Variants in TANC1 observed in about 807,000 individuals in gnomAD.
TANC1 encodes the protein tetratricopeptide repeat, ankyrin repeat and coiled-coil containing 1, also known as protein TANC1.
A neutral mutation model predicts 149.7 loss-of-function variants in TANC1; 77 were observed. That is an observed-to-expected ratio of 0.51 (90% CI 0.43 to 0.62). The LOEUF is 0.62. Ranked by LOEUF, TANC1 falls within the 20% of genes least tolerant of loss-of-function variation. The pLI is 0.00. For missense variants in TANC1, 1,985 were observed against 2,321.8 expected, an observed-to-expected ratio of 0.85 and a Z score of 2.98; for synonymous variants, 854 against 925.0, an observed-to-expected ratio of 0.92 and a Z score of 1.39.
chr2:159,169,456 G>A, intron 9 of TANC1, 84 bp downstream of exon 9: 2 of 1,403,842 alleles, frequency 1.4e-6, no homozygotes, highest in African/African-American at 1.4e-5. Flanking sequence ...CAGCATTGAA[G>A]CCAACTGTGT....
intron 2 of TANC1, chr2:159,056,623 G>T: frequency 6.2e-6 from 1 of 160,682 alleles, no homozygotes; most frequent in Non-Finnish European, 1.4e-5. Flanking sequence ...CCAGGTTTCA[G>T]TTTTTCATGG....
intron 3 of TANC1, among the ~76,000 whole-genome samples, chr2:159,088,808 C>T (rs1237952333): frequency 6.6e-6 from 1 of 152,170 alleles, no homozygotes; most frequent in South Asian, 2.1e-4. Flanking sequence ...TATGGATTGT[C>T]ATCAGGAAAG....
chr2:159,228,785 G>T lies in TANC1; in HGVS notation c.4051-11G>T, dbSNP rs568736471. The T allele has an allele frequency of 1.9e-6, 3 of 1,607,480 alleles. No homozygotes were observed. Among genetic ancestry groups the T allele is most frequent in the Non-Finnish European group, 2.6e-6 (3 of 1,174,206 alleles). ...GCTGCTTCTGACTCCTGTATTTCTT[G>T]TCGACACCAGGACTTTGGCATGGCA... On this transcript the variant is annotated splice_polypyrimidine_tract_variant and intron_variant, in intron 25 of 26. Transcript: ENST00000263635.
chr2:158,985,059 C>T (rs1327230458), intron 1 of TANC1, among the ~76,000 whole-genome samples: 2 of 152,008 alleles, frequency 1.3e-5, no homozygotes, highest in African/African-American at 4.8e-5. Flanking sequence ...GAGAGACTGG[C>T]GTGGGGACAG....
chr2:159,032,443 A>C (rs2039858133), intron 2 of TANC1, among the ~76,000 whole-genome samples: 1 of 152,200 alleles, frequency 6.6e-6, no homozygotes, highest in South Asian at 2.1e-4. Context: ...CACTGTGAGC[A>C]AAGTAACCTT....
chr2:159,192,664 T>A (rs2057536222), intron 16 of TANC1, among the ~76,000 whole-genome samples: 2 of 152,316 alleles, frequency 1.3e-5, no homozygotes. Flanking sequence ...TTTGTTTTGC[T>A]TTTGAGACGG....
Position 159,134,907 on chromosome 2 carries a change from C to T in TANC1, c.260-1287C>T, listed in dbSNP as rs145449807. 2.0e-4 allele frequency among the ~76,000 whole-genome samples: 30 copies of T among 152,244 alleles called. No homozygotes were observed. The East Asian group carries it at 5.2e-3, about 26-fold the overall frequency. On this transcript the variant is annotated intron_variant, in intron 4 of 26. Transcript: ENST00000263635. The stretch of plus-strand genomic sequence containing the variant: ...TGCAAGAATTACAGGTGTGAGCCAC[C>T]GTGCCTAGCCTTTTAATTTTTTTTA...
rs760067178 is a variant in TANC1 at position 159,229,846 on chromosome 2, A to G, written c.4420A>G (p.Thr1474Ala). 9 of 1,613,922 alleles carry G rather than the reference A, an allele frequency of 5.6e-6. No homozygotes were observed. The highest frequency in any genetic ancestry group is 1.1e-5 in the South Asian group (1 of 91,068). Reference sequence around the variant, plus strand: ...TCCCCAGGAAGAATCTGTTTCCCCAACTCCCAGGTCCCAGCCATCCTCATC... The same window carrying G: ...TCCCCAGGAAGAATCTGTTTCCCCAGCTCCCAGGTCCCAGCCATCCTCATC... ...TSPQEESVSP[T>A]PRSQPSSSVP... is the part of the protein sequence containing the mutation. The change falls in exon 27 of 27, where the codon ACT becomes GCT. Residue 1474 changes from threonine (T) to alanine (A), a missense_variant. Transcript: ENST00000263635.
intron 19 of TANC1, among the ~76,000 whole-genome samples, chr2:159,204,078 T>TA (rs1183347975): frequency 2.6e-5 from 4 of 152,236 alleles, no homozygotes; most frequent in African/African-American, 9.6e-5. Flanking sequence ...AACAATAGTT[T>TA]AAAATCTCAT....
chr2:159,065,953 G>T lies in TANC1; in HGVS notation c.43G>T (p.Gly15Ter). 1.2e-6 allele frequency: 2 copies of T among 1,613,852 alleles called. No individual in the cohort carries two copies. Among genetic ancestry groups the T allele is most frequent in the Non-Finnish European group, 1.7e-6 (2 of 1,179,718 alleles). Residue 15 changes from glycine to a stop codon, truncating the protein, a stop_gained, in exon 3 of 27, where the codon GGA (glycine) becomes TGA (stop). Coordinates refer to ENST00000263635, the MANE Select transcript of TANC1 (RefSeq NM_033394.3). LOFTEE classifies it high-confidence loss of function. ...GAAGAAGAGCCGAGAGGGAGGAAAG[G>T]GAGGCAAGAAGGAAGCAGGTATGTG... ...VLKKSREGGK[G>*]GKKEAGSDFG...
chr2:159,220,987 A>G (rs906631086), intron 22 of TANC1, among the ~76,000 whole-genome samples: 6 of 152,250 alleles, frequency 3.9e-5, no homozygotes, highest in Non-Finnish European at 8.8e-5. Context: ...TAATTCATGT[A>G]TCCATCACCC....
chr2:159,200,491 C>G (rs1033707882), intron 19 of TANC1, among the ~76,000 whole-genome samples: 1 of 152,192 alleles, frequency 6.6e-6, no homozygotes. Flanking sequence ...GTGAGAATTT[C>G]TAACATTTTA....
At chr2:159,138,533 A>G (rs2051018652) in intron 5 of TANC1, among the ~76,000 whole-genome samples, 1 of 152,246 alleles carries the variant, frequency 6.6e-6, no homozygotes, top group Admixed American at 6.5e-5. Flanking sequence ...AAAGGAAATG[A>G]TAGAGCCGAC....
chr2:158,976,873 T>G (rs749762669), intron 1 of TANC1, among the ~76,000 whole-genome samples: 17 of 152,110 alleles, frequency 1.1e-4, no homozygotes, highest in Non-Finnish European at 2.2e-4. Context: ...AGAATGAGAC[T>G]CCGTCTTGAA....
At chr2:159,148,896 A>G in intron 5 of TANC1, 1 of 344,478 alleles carries the variant, frequency 2.9e-6, no homozygotes, top group Non-Finnish European at 5.2e-6. Flanking sequence ...AATTGCCGTC[A>G]GATAACACTG....
chr2:159,045,939 A>G (rs1039008547), intron 2 of TANC1, among the ~76,000 whole-genome samples: 2 of 152,256 alleles, frequency 1.3e-5, no homozygotes, highest in Non-Finnish European at 2.9e-5. Flanking sequence ...TTACTGAGAA[A>G]TCCAGGTGGA....
intron 2 of TANC1, among the ~76,000 whole-genome samples, chr2:159,026,399 C>T (rs1480287381): frequency 1.3e-5 from 2 of 152,032 alleles, no homozygotes; most frequent in African/African-American, 4.8e-5. Flanking sequence ...CTATGTTGCC[C>T]TTTTTTTTGA....
chr2:159,156,243 C>T (rs2053419872), intron 7 of TANC1, among the ~76,000 whole-genome samples: 1 of 152,098 alleles, frequency 6.6e-6, no homozygotes, highest in Admixed American at 6.5e-5. Context: ...TGCTACGTTG[C>T]CTGCAATTTT....
rs182588629 is a variant in TANC1 at position 159,153,521 on chromosome 2, A to G, written c.682+2965A>G. On this transcript the variant is annotated intron_variant, in intron 7 of 26. Coordinates refer to ENST00000263635, the MANE Select transcript of TANC1 (RefSeq NM_033394.3). Reference sequence around the variant, plus strand: ...ATGAGAGGGAGGCACTGCTGTTGACAGCGTTCCTCTGTTCTCCTTCCGTGA... The same window carrying G: ...ATGAGAGGGAGGCACTGCTGTTGACGGCGTTCCTCTGTTCTCCTTCCGTGA... Among the ~76,000 whole-genome samples, 389 of 152,334 alleles carry G rather than the reference A, an allele frequency of 2.6e-3. 2 individuals are homozygous for G. The highest frequency in any genetic ancestry group is 8.8e-3 in the African/African-American group (367 of 41,580).
Sources: allele counts gnomAD v4.1 joint callset (sites outside exome capture counted in the v4.1 genomes callset), GRCh38; gene constraint gnomAD v4.1.1; transcripts MANE v1.5; gene names NCBI Gene and HGNC (gene_info 2026-07-23, HGNC 2026-07-21).